The following RANBP2 variants were observed in gnomAD, a reference collection of about 807,000 sequenced individuals.
RANBP2 encodes the protein RAN binding protein 2, also known as E3 SUMO-protein ligase RanBP2.
RANBP2 carries 57 observed loss-of-function variants against 303.6 expected under a neutral mutation model. The observed-to-expected ratio is 0.19, with a 90% CI of 0.15 to 0.23. RANBP2 has a LOEUF of 0.23. Ranked by LOEUF, RANBP2 falls within the 10% of genes least tolerant of loss-of-function variation. The probability of loss-of-function intolerance (pLI) is 1.00; values close to 1 mark genes in which losing one functional copy is unlikely to be tolerated. For missense variants in RANBP2, 3,138 were observed against 3,780.8 expected (o/e 0.83, Z 4.46); for synonymous variants, 1,167 against 1,301.5 (o/e 0.90, Z 2.23).
At chr2:108,841,770 T>A in the RANBP2 span, among the ~76,000 whole-genome samples, 1 of 152,186 alleles carries the variant, frequency 6.6e-6, no homozygotes, top group East Asian at 1.9e-4. Context: ...GCTGTAACTT[T>A]ATTTTTTTAA....
At chr2:109,442,423 A>G in the RANBP2 span, among the ~76,000 whole-genome samples, 148 of 152,302 alleles carry the variant, frequency 9.7e-4, 1 homozygote, top group Admixed American at 2.5e-3. Flanking sequence ...AAGGAATGAA[A>G]AGCACTGGAA....
At chr2:109,471,937 A>G in the RANBP2 span, among the ~76,000 whole-genome samples, 1 of 152,170 alleles carries the variant, frequency 6.6e-6, no homozygotes, top group African/African-American at 2.4e-5. Context: ...AGTTCATGTA[A>G]CTTGGTCTGA....
chr2:109,491,666 A>G, the RANBP2 span, among the ~76,000 whole-genome samples: 1 of 152,146 alleles, frequency 6.6e-6, no homozygotes. Flanking sequence ...TCCATCCTAA[A>G]AGGGCTCTCA....
the RANBP2 span, among the ~76,000 whole-genome samples, chr2:109,005,204 G>A: frequency 6.6e-6 from 1 of 152,204 alleles, no homozygotes; most frequent in Non-Finnish European, 1.5e-5. Flanking sequence ...TTGCTCAGGA[G>A]GAATCTGGTT....
chr2:109,610,095 G>GTTTTTTTTTT, the RANBP2 span, among the ~76,000 whole-genome samples: 109 of 143,450 alleles, frequency 7.6e-4, 1 homozygote, highest in African/African-American at 2.7e-3. Flanking sequence ...TCCCTGAGGT[G>GTTTTTTTTTT]TTTTTTTTTT....
At chr2:109,391,921 G>A in the RANBP2 span, among the ~76,000 whole-genome samples, 5 of 151,938 alleles carry the variant, frequency 3.3e-5, no homozygotes, top group Non-Finnish European at 5.9e-5. Context: ...AGGCTCAAGC[G>A]ATCCTCCCAC....
At chr2:109,114,462 T>G in the RANBP2 span, among the ~76,000 whole-genome samples, 1 of 152,188 alleles carries the variant, frequency 6.6e-6, no homozygotes, top group African/African-American at 2.4e-5. Flanking sequence ...TGTATTTCTG[T>G]GGGATCGGTG....
chr2:108,933,424 G>A, the RANBP2 span, among the ~76,000 whole-genome samples: 1 of 152,118 alleles, frequency 6.6e-6, no homozygotes, highest in Non-Finnish European at 1.5e-5. Flanking sequence ...GGGTCCCAGG[G>A]GAGATCCCAG....
At chr2:109,332,719 G>A in the RANBP2 span, among the ~76,000 whole-genome samples, 1 of 152,198 alleles carries the variant, frequency 6.6e-6, no homozygotes, top group African/African-American at 2.4e-5. Flanking sequence ...GCTTCCTACA[G>A]AACATATCCA....
At chr2:108,791,255 C>A in the RANBP2 span, among the ~76,000 whole-genome samples, 1 of 152,202 alleles carries the variant, frequency 6.6e-6, no homozygotes, top group South Asian at 2.1e-4. Context: ...TTTTTGGAGA[C>A]AACACCTGGA....
the RANBP2 span, among the ~76,000 whole-genome samples, chr2:109,670,734 T>TCTTC: frequency 6.6e-6 from 1 of 152,166 alleles, no homozygotes; most frequent in Non-Finnish European, 1.5e-5. Context: ...GCCTGTGCCC[T>TCTTC]CTTCCTCTGT....
intron 6 of RANBP2, among the ~76,000 whole-genome samples, chr2:108,737,334 TC>T (rs1442395742): frequency 1.7e-4 from 22 of 128,900 alleles, no homozygotes; most frequent in African/African-American, 4.9e-4. Flanking sequence ...TTTCTTTCTT[TC>T]TTTTTTTTTT....
At chr2:109,493,446 AAC>A in the RANBP2 span, among the ~76,000 whole-genome samples, 1 of 150,492 alleles carries the variant, frequency 6.6e-6, no homozygotes, top group Non-Finnish European at 1.5e-5. Flanking sequence ...CACATGTGCA[AAC>A]ACACTCCACA....
the RANBP2 span, among the ~76,000 whole-genome samples, chr2:109,464,997 GC>G: frequency 6.6e-6 from 1 of 152,122 alleles, no homozygotes; most frequent in Non-Finnish European, 1.5e-5. Flanking sequence ...CTAACTCCTG[GC>G]AACCACTGAC....
the RANBP2 span, among the ~76,000 whole-genome samples, chr2:109,183,884 G>C: frequency 6.6e-6 from 1 of 152,216 alleles, no homozygotes; most frequent in East Asian, 1.9e-4. Flanking sequence ...ATTGTCCCAA[G>C]GAAAGTGGGC....
chr2:109,373,692 G>A, the RANBP2 span, among the ~76,000 whole-genome samples: 17 of 152,274 alleles, frequency 1.1e-4, no homozygotes, highest in East Asian at 2.3e-3. Context: ...GAAAGGTTTC[G>A]TGTCCTGATC....
chr2:109,235,349 G>A, the RANBP2 span, among the ~76,000 whole-genome samples: 1 of 152,190 alleles, frequency 6.6e-6, no homozygotes, highest in African/African-American at 2.4e-5. Flanking sequence ...GATCTCTAAG[G>A]GCCACTAAAG....
At chr2:109,078,213 ATATATATATAGCGTG>A in the RANBP2 span, among the ~76,000 whole-genome samples, 10 of 55,138 alleles carry the variant, frequency 1.8e-4, no homozygotes, top group South Asian at 7.6e-4. Flanking sequence ...TATATAGCGT[ATATATATATAGCGTG>A]TATATATATA....
At chr2:108,742,019 G>A (rs1475598666) in intron 7 of RANBP2, among the ~76,000 whole-genome samples, 4 of 151,504 alleles carry the variant, frequency 2.6e-5, no homozygotes, top group Non-Finnish European at 4.4e-5. Context: ...TTTTTGAGAC[G>A]GGGTTTTGCT....
Sources: gnomAD v4.1 joint callset for allele counts (sites outside exome capture counted in the v4.1 genomes callset) on GRCh38, gnomAD v4.1.1 for gene constraint, MANE v1.5 for transcripts, NCBI Gene and HGNC (gene_info 2026-07-23, HGNC 2026-07-21) for gene names.